The following MEGF11 variants were observed in gnomAD, a reference collection of about 807,000 sequenced individuals.
MEGF11 encodes multiple EGF like domains 11, also known as multiple epidermal growth factor-like domains protein 11.
Under a neutral mutation model 146.6 loss-of-function variants are expected in MEGF11, and 126 were observed. That is an observed-to-expected ratio of 0.86 (90% CI 0.74 to 1.00). MEGF11 has a LOEUF of 1.00. Ranked by LOEUF, MEGF11 falls within the 50% of genes least tolerant of loss-of-function variation. The pLI, the probability that MEGF11 is intolerant of heterozygous loss-of-function variation, is 0.00. For synonymous variants in MEGF11, 532 were observed against 583.4 expected, an observed-to-expected ratio of 0.91 and a Z score of 1.27; for missense variants, 1,509 against 1,521.2, an observed-to-expected ratio of 0.99 and a Z score of 0.13.
intron 4 of MEGF11, among the ~76,000 whole-genome samples, chr15:66,097,212 C>T (rs2086591230): frequency 1.3e-5 from 2 of 152,226 alleles, no homozygotes; most frequent in Admixed American, 6.5e-5. Flanking sequence ...ACCCGAGGCT[C>T]AGGCTGCCGT....
intron 5 of MEGF11, among the ~76,000 whole-genome samples, chr15:66,067,611 T>G (rs531623242): frequency 6.6e-6 from 1 of 152,336 alleles, no homozygotes; most frequent in East Asian, 1.9e-4. Flanking sequence ...ACCTGAGCCC[T>G]GGGAAGCTCC....
intron 1 of MEGF11, among the ~76,000 whole-genome samples, chr15:66,237,799 T>A (rs1007680389): frequency 2.0e-5 from 3 of 152,230 alleles, no homozygotes; most frequent in African/African-American, 7.2e-5. Context: ...CACTCCTGAA[T>A]GATAAGTGAA....
intron 5 of MEGF11, among the ~76,000 whole-genome samples, chr15:66,005,898 A>G (rs1240506353): frequency 6.6e-6 from 1 of 152,224 alleles, no homozygotes; most frequent in African/African-American, 2.4e-5. Flanking sequence ...CCCACTGACT[A>G]GCTGTGGAAA....
At chr15:66,098,207 C>A (rs555254674) in intron 4 of MEGF11, among the ~76,000 whole-genome samples, 2 of 152,238 alleles carry the variant, frequency 1.3e-5, no homozygotes, top group South Asian at 2.1e-4. Context: ...CCCAGGACAG[C>A]GATCTTGGCA....
At chr15:66,252,885 G>C (rs1427570287) in intron 1 of MEGF11, among the ~76,000 whole-genome samples, 1 of 152,168 alleles carries the variant, frequency 6.6e-6, no homozygotes, top group Non-Finnish European at 1.5e-5. Flanking sequence ...AGAGTCACTT[G>C]CTTCTCCTTT....
At chr15:65,953,515 A>G (rs1219995875) in intron 10 of MEGF11, among the ~76,000 whole-genome samples, 2 of 152,138 alleles carry the variant, frequency 1.3e-5, no homozygotes, top group East Asian at 1.9e-4. Flanking sequence ...GTGCATCTCC[A>G]TGGGCCCTTG....
intron 1 of MEGF11, among the ~76,000 whole-genome samples, chr15:66,250,770 G>C (rs1271130808): frequency 6.6e-6 from 1 of 152,124 alleles, no homozygotes; most frequent in Non-Finnish European, 1.5e-5. Flanking sequence ...AGCCTGGCAT[G>C]GTGGCCCACA....
chr15:66,145,166 C>T (rs1057320487), intron 1 of MEGF11, among the ~76,000 whole-genome samples: 1 of 152,186 alleles, frequency 6.6e-6, no homozygotes, highest in Non-Finnish European at 1.5e-5. Context: ...GGCCCAAGCC[C>T]CAGAGCCTCG....
At chr15:66,139,947 A>G (rs1192239307) in intron 1 of MEGF11, among the ~76,000 whole-genome samples, 2 of 152,204 alleles carry the variant, frequency 1.3e-5, no homozygotes, top group East Asian at 3.8e-4. Flanking sequence ...GAGAAAATGT[A>G]GCCAAACCCC....
At chr15:65,923,404 G>T (rs188038974) in intron 13 of MEGF11, among the ~76,000 whole-genome samples, 1 of 152,314 alleles carries the variant, frequency 6.6e-6, no homozygotes, top group East Asian at 1.9e-4. Context: ...GTAAGTGCCA[G>T]CTGGGAGTGA....
intron 1 of MEGF11, among the ~76,000 whole-genome samples, chr15:66,212,998 G>A (rs529427247): frequency 6.6e-6 from 1 of 152,226 alleles, no homozygotes; most frequent in Non-Finnish European, 1.5e-5. Flanking sequence ...GATCTGCGAG[G>A]GAGGGCCAAG....
At chr15:66,076,879 G>A (rs1221992734) in intron 5 of MEGF11, among the ~76,000 whole-genome samples, 3 of 152,224 alleles carry the variant, frequency 2.0e-5, no homozygotes, top group Non-Finnish European at 2.9e-5. Flanking sequence ...CAGGGATGGA[G>A]GAAGTAGAGC....
chr15:66,028,023 T>G (rs868134684), intron 5 of MEGF11, among the ~76,000 whole-genome samples: 1 of 152,214 alleles, frequency 6.6e-6, no homozygotes, highest in Non-Finnish European at 1.5e-5. Flanking sequence ...TGCAAGGTGC[T>G]CTGACAACTG....
At chr15:66,011,720 CTATTATTATTATTATTAT>C (rs55863629) in intron 5 of MEGF11, among the ~76,000 whole-genome samples, 1 of 149,374 alleles carries the variant, frequency 6.7e-6, no homozygotes, top group Non-Finnish European at 1.5e-5. Context: ...GGGAATTTAG[CTATTATTATTATTATTAT>C]TATTATTATT....
At chr15:66,236,913 A>G (rs543175085) in intron 1 of MEGF11, among the ~76,000 whole-genome samples, 31 of 152,246 alleles carry the variant, frequency 2.0e-4, no homozygotes, top group African/African-American at 7.0e-4. Flanking sequence ...TGTCCCCGCC[A>G]TCTCAATCTT....
intron 1 of MEGF11, among the ~76,000 whole-genome samples, chr15:66,136,579 T>C (rs939762321): frequency 3.3e-5 from 5 of 152,218 alleles, no homozygotes; most frequent in African/African-American, 1.2e-4. Context: ...AAGTTTGAAG[T>C]GCCCTACACA....
chr15:66,253,269 G>T (rs2092402066), intron 1 of MEGF11, among the ~76,000 whole-genome samples: 1 of 152,168 alleles, frequency 6.6e-6, no homozygotes, highest in Non-Finnish European at 1.5e-5. Flanking sequence ...CCCGCGCCGC[G>T]CCACTGCTCT....
intron 1 of MEGF11, among the ~76,000 whole-genome samples, chr15:66,192,645 G>A (rs2090912955): frequency 6.6e-6 from 1 of 152,104 alleles, no homozygotes; most frequent in African/African-American, 2.4e-5. Flanking sequence ...GAACTAGAAG[G>A]TAACAGAGCC....
chr15:65,987,864 C>T (rs569708061), intron 5 of MEGF11, among the ~76,000 whole-genome samples: 41 of 151,422 alleles, frequency 2.7e-4, no homozygotes, highest in Non-Finnish European at 4.9e-4. Context: ...GCATGCGCCA[C>T]CATGCCTGGC....
Sources: gnomAD v4.1 joint callset for allele counts (sites outside exome capture counted in the v4.1 genomes callset) on GRCh38, gnomAD v4.1.1 for gene constraint, MANE v1.5 for transcripts, NCBI Gene and HGNC (gene_info 2026-07-23, HGNC 2026-07-21) for gene names.